ATP9B: variants seen among roughly 807,000 people sequenced by gnomAD.
ATP9B encodes probable phospholipid-transporting ATPase IIB.
A neutral mutation model predicts 146.1 loss-of-function variants in ATP9B; 110 were observed. The ratio of observed to expected loss-of-function variants is 0.75; its 90% CI spans 0.65 to 0.88. The LOEUF (loss-of-function observed/expected upper bound fraction) is 0.88, where lower values mean the gene tolerates loss of function less well. Ranked by LOEUF, ATP9B falls within the 40% of genes least tolerant of loss-of-function variation. The pLI is 0.00. For missense variants in ATP9B, 1,499 were observed against 1,496.4 expected (o/e 1.00, Z -0.03); for synonymous variants, 604 against 569.7 (o/e 1.06, Z -0.86).
chr18:79,191,000 TC>T (rs1420542546), intron 8 of ATP9B, among the ~76,000 whole-genome samples: 1 of 152,210 alleles, frequency 6.6e-6, no homozygotes, highest in Non-Finnish European at 1.5e-5. Context: ...CTGATATTCC[TC>T]TGGTGGATGT....
At chr18:79,304,010 C>T (rs2096607533) in intron 14 of ATP9B, among the ~76,000 whole-genome samples, 1 of 152,094 alleles carries the variant, frequency 6.6e-6, no homozygotes, top group African/African-American at 2.4e-5. Context: ...GAAGAATGTT[C>T]AGTAGGATAC....
At chr18:79,262,673 A>G (rs1357989517) in intron 12 of ATP9B, among the ~76,000 whole-genome samples, 2 of 152,190 alleles carry the variant, frequency 1.3e-5, no homozygotes, top group East Asian at 3.8e-4. Flanking sequence ...CTTTTGTAAT[A>G]CCACAGTCCA....
At chr18:79,366,656 A>G (rs1392251920) in intron 26 of ATP9B, among the ~76,000 whole-genome samples, 2 of 152,210 alleles carry the variant, frequency 1.3e-5, no homozygotes, top group Non-Finnish European at 2.9e-5. Flanking sequence ...CTTAGTAAAC[A>G]CACACAGTCC....
chr18:79,262,043 A>G (rs1375337646), intron 12 of ATP9B, among the ~76,000 whole-genome samples: 13 of 152,226 alleles, frequency 8.5e-5, no homozygotes, highest in Admixed American at 5.9e-4. Flanking sequence ...GTGAGGGTGC[A>G]GGGATGAATG....
chr18:79,307,844 T>C (rs2096627806), intron 15 of ATP9B, among the ~76,000 whole-genome samples: 1 of 152,176 alleles, frequency 6.6e-6, no homozygotes, highest in Admixed American at 6.5e-5. Flanking sequence ...TTATATACAG[T>C]TTTGTGTACA....
At chr18:79,348,691 C>G (rs2096905668) in intron 25 of ATP9B, among the ~76,000 whole-genome samples, 1 of 152,248 alleles carries the variant, frequency 6.6e-6, no homozygotes, top group African/African-American at 2.4e-5. Context: ...ATAGCAGCAC[C>G]AGGGCTGGGC....
chr18:79,139,793 T>A (rs1462950428), intron 5 of ATP9B, among the ~76,000 whole-genome samples: 2 of 152,176 alleles, frequency 1.3e-5, no homozygotes, highest in Admixed American at 1.3e-4. Context: ...TTCATACCTA[T>A]TAACCATCCT....
intron 25 of ATP9B, among the ~76,000 whole-genome samples, chr18:79,350,274 A>ACTTTTT (rs1452098913): frequency 6.6e-6 from 1 of 152,090 alleles, no homozygotes; most frequent in Admixed American, 6.5e-5. Context: ...GCCTAGGGAA[A>ACTTTTT]CCTTCGCAGG....
chr18:79,359,304 G>T, intron 25 of ATP9B, 50 bp from the exon 26 acceptor site: 1 of 1,383,246 alleles, frequency 7.2e-7, no homozygotes, highest in Non-Finnish European at 1.0e-6. Context: ...GTTTCTAGCT[G>T]TGTGGTAGAA....
Position 79,347,923 on chromosome 18 carries a change from C to A in ATP9B, c.2836C>A (p.Gln946Lys). Reference sequence around the variant, plus strand: ...CAGGGGCCTTATCATCTCCACCATGCAGGTACTAAGCCTTCTGTGCTGGCA... The same window carrying A: ...CAGGGGCCTTATCATCTCCACCATGAAGGTACTAAGCCTTCTGTGCTGGCA... ...MHRGLIISTMQAVFSSVFYFA... is the reference protein window; with the variant it reads ...MHRGLIISTMKAVFSSVFYFA... The change falls in exon 24 of 30, where the codon CAG becomes AAG. Residue 946 changes from glutamine (Q) to lysine (K), a missense_variant and splice_region_variant. Transcript: ENST00000426216. The A allele has an allele frequency of 6.2e-7, 1 of 1,611,008 alleles. No individual in the cohort carries two copies.
rs533922533 is a variant in ATP9B, at chr18:79,365,038, A to AT, written c.3012+5576_3012+5577insT. 1.3e-3 allele frequency among the ~76,000 whole-genome samples: 197 copies of AT among 152,066 alleles called. 4 individuals carry two copies. Among genetic ancestry groups the AT allele is most frequent in the African/African-American group, 4.7e-3 (195 of 41,478 alleles). ...GAGCGAGACCTTGTCTCAAAAAAAA[A>AT]AAGTTTTTCTCTCTGAATGATACTG... On this transcript the variant is annotated intron_variant, in intron 26 of 29. Coordinates refer to ENST00000426216, the MANE Select transcript of ATP9B (RefSeq NM_198531.5).
At chr18:79,276,983 T>C in intron 12 of ATP9B, 71 bp from the exon 13 acceptor site, 1 of 1,560,888 alleles carries the variant, frequency 6.4e-7, no homozygotes, top group Non-Finnish European at 8.8e-7. Context: ...GGGTTTTATC[T>C]GGCAGTTTGG....
At chr18:79,126,492 A>G (rs898816326) in intron 5 of ATP9B, 117 bp downstream of exon 5, 6 of 668,244 alleles carry the variant, frequency 9.0e-6, no homozygotes, top group Non-Finnish European at 9.8e-6. Context: ...GTATTATGTG[A>G]TTGTATATGA....
At chr18:79,138,633 G>T (rs2094475231) in intron 5 of ATP9B, among the ~76,000 whole-genome samples, 1 of 152,094 alleles carries the variant, frequency 6.6e-6, no homozygotes, top group African/African-American at 2.4e-5. Context: ...TACTTGTGAG[G>T]TGGTAAACTA....
At chr18:79,255,054 C>CG in intron 12 of ATP9B, 1 of 151,988 alleles carries the variant, frequency 6.6e-6, no homozygotes, top group East Asian at 1.9e-4. Flanking sequence ...GGACCTAGAA[C>CG]GGAGCACGCT....
intron 7 of ATP9B, among the ~76,000 whole-genome samples, chr18:79,155,085 C>T (rs938118962): frequency 3.9e-5 from 6 of 152,240 alleles, no homozygotes; most frequent in Non-Finnish European, 5.9e-5. Context: ...TTTTATTCAG[C>T]GATTCAGCAA....
rs1398478488 is a variant in ATP9B, at chr18:79,359,334, C to T, written c.2904-20C>T. ...GTAGAAGTTTCTCACGCCCATTGCA[C>T]TCCGCTCTTGGTCTTGCAGGTATGC... On this transcript the variant is annotated intron_variant, in intron 25 of 29. Transcript: ENST00000426216. 4.4e-6 allele frequency: 7 copies of T among 1,579,930 alleles called. No homozygotes were observed. The highest frequency in any genetic ancestry group is 6.1e-6 in the Non-Finnish European group (7 of 1,149,740).
At position 79,321,222 on chromosome 18, in the gene ATP9B, C is replaced by T. The variant is rs1038340814; in HGVS notation, c.1774-7919C>T. On this transcript the variant is annotated intron_variant, in intron 15 of 29. Coordinates refer to ENST00000426216, the MANE Select transcript of ATP9B (RefSeq NM_198531.5). The stretch of plus-strand genomic sequence containing the variant: ...CTCAAAACCAAAACCGGAGAATCTG[C>T]CGTGTCCGTGGGAACCAGCCGTTCC... 5.3e-5 allele frequency among the ~76,000 whole-genome samples: 8 copies of T among 152,316 alleles called. No homozygotes were observed. The South Asian group carries it at 1.7e-3, about 32-fold the overall frequency.
At chr18:79,306,429 G>T (rs991377521) in intron 14 of ATP9B, among the ~76,000 whole-genome samples, 1 of 152,148 alleles carries the variant, frequency 6.6e-6, no homozygotes, top group Non-Finnish European at 1.5e-5. Context: ...GATATGACAC[G>T]GGGCCATTTT....
Sources: allele counts gnomAD v4.1 joint callset (sites outside exome capture counted in the v4.1 genomes callset), GRCh38; gene constraint gnomAD v4.1.1; transcripts MANE v1.5; gene names NCBI Gene and HGNC (gene_info 2026-07-23, HGNC 2026-07-21).